KLHL4: variants seen among roughly 807,000 people sequenced by gnomAD.
KLHL4 encodes the protein kelch like family member 4, also known as kelch-like protein 4.
A neutral mutation model predicts 45.8 loss-of-function variants in KLHL4; 17 were observed. The ratio of observed to expected loss-of-function variants is 0.37; its 90% CI spans 0.25 to 0.56. The LOEUF (loss-of-function observed/expected upper bound fraction) is 0.56, where lower values mean the gene tolerates loss of function less well. KLHL4 is among the 20% of genes least tolerant of loss of function. The pLI is 0.79. For missense variants in KLHL4, 544 were observed against 544.9 expected (o/e 1.00, Z 0.02); for synonymous variants, 224 against 189.9 (o/e 1.18, Z -1.47).
At chrX:87,651,188 C>T (rs1393887465) in intron 9 of KLHL4, among the ~76,000 whole-genome samples, 1 of 111,332 alleles carries the variant, frequency 9.0e-6, no homozygotes, top group Non-Finnish European at 1.9e-5. Context: ...TAGGGAAGGC[C>T]CCCATGATTC....
At chrX:87,659,113 CTTTTTTTTTTTTTTT>C (rs1178733729) in intron 9 of KLHL4, among the ~76,000 whole-genome samples, 1 of 45,101 alleles carries the variant, frequency 2.2e-5, no homozygotes, top group African/African-American at 1.0e-4. Flanking sequence ...TCTTTTCTTT[CTTTTTTTTTTTTTTT>C]TTTTTTTTTG....
intron 9 of KLHL4, among the ~76,000 whole-genome samples, chrX:87,655,619 GA>G (rs1205388656): frequency 1.8e-5 from 2 of 110,539 alleles, no homozygotes; most frequent in Non-Finnish European, 3.8e-5. Context: ...TGTATGGTCG[GA>G]TCCTTTTTTT....
At chrX:87,519,036 CTTTACT>C (rs1930949207) in intron 1 of KLHL4, among the ~76,000 whole-genome samples, 1 of 111,434 alleles carries the variant, frequency 9.0e-6, no homozygotes, top group Non-Finnish European at 1.9e-5. Context: ...TTGATTTTGT[CTTTACT>C]TTTATGCCCA....
chrX:87,520,165 A>G (rs1930972786), intron 1 of KLHL4, among the ~76,000 whole-genome samples: 1 of 112,038 alleles, frequency 8.9e-6, no homozygotes, highest in South Asian at 3.7e-4. Context: ...ATGGTTTATT[A>G]CCTTCTCCTT....
intron 1 of KLHL4, among the ~76,000 whole-genome samples, chrX:87,556,545 G>A (rs1282968666): frequency 1.8e-5 from 2 of 108,726 alleles, no homozygotes; most frequent in Non-Finnish European, 3.8e-5. Context: ...AAGGGGGGAG[G>A]GATAGCTTTA....
chrX:87,669,043 T>C lies in KLHL4; in HGVS notation c.*2509T>C. ...CTGTGCTTGTCTCAGTCAAACTTAA[T>C]TGGGAAAAGGAGGAGTAAGAGCAGG... On this transcript the variant is annotated 3_prime_UTR_variant, in exon 11 of 11. Coordinates refer to ENST00000373119, the MANE Select transcript of KLHL4 (RefSeq NM_019117.5). 1.2e-6 allele frequency: 1 copy of C among 853,450 alleles called. No homozygotes were observed. Among genetic ancestry groups the C allele is most frequent in the Non-Finnish European group, 1.4e-6 (1 of 703,469 alleles). The allele number at this position is 853,450 out of a possible 1,213,427, so 70.3% of individuals were successfully genotyped here.
chrX:87,522,907 C>T (rs1162681180), intron 1 of KLHL4, among the ~76,000 whole-genome samples: 1 of 111,266 alleles, frequency 9.0e-6, no homozygotes, highest in African/African-American at 3.3e-5. Context: ...TACGGTATCA[C>T]GTATATAATT....
intron 1 of KLHL4, among the ~76,000 whole-genome samples, chrX:87,605,814 A>G (rs922433771): frequency 9.0e-6 from 1 of 111,464 alleles, no homozygotes; most frequent in Non-Finnish European, 1.9e-5. Flanking sequence ...TCTTAGATAA[A>G]AAGCTTTTAG....
At chrX:87,652,593 C>A in intron 9 of KLHL4, among the ~76,000 whole-genome samples, 1 of 112,072 alleles carries the variant, frequency 8.9e-6, no homozygotes. Flanking sequence ...TGCTCCAATT[C>A]CCAACAAGTT....
chrX:87,582,450 C>A, intron 1 of KLHL4, among the ~76,000 whole-genome samples: 1 of 111,538 alleles, frequency 9.0e-6, no homozygotes, highest in Non-Finnish European at 1.9e-5. Context: ...GAAAGAAAAA[C>A]CAGAACAAAG....
intron 1 of KLHL4, among the ~76,000 whole-genome samples, chrX:87,607,977 T>C (rs142864893): frequency 1.1e-4 from 12 of 111,667 alleles, no homozygotes; most frequent in Non-Finnish European, 1.9e-4. Flanking sequence ...GGAATTATAA[T>C]AGGTATCACC....
intron 9 of KLHL4, among the ~76,000 whole-genome samples, chrX:87,651,013 G>C (rs1389756867): frequency 8.9e-6 from 1 of 111,846 alleles, no homozygotes; most frequent in Non-Finnish European, 1.9e-5. Flanking sequence ...ACTCTAAGCT[G>C]GGTTTTCAGT....
intron 6 of KLHL4, among the ~76,000 whole-genome samples, chrX:87,631,852 G>C (rs2147823695): frequency 8.9e-6 from 1 of 112,528 alleles, no homozygotes; most frequent in Admixed American, 9.4e-5. Context: ...ATCTGTAACA[G>C]ATGTGCAAAC....
At chrX:87,652,934 C>T (rs1409275140) in intron 9 of KLHL4, among the ~76,000 whole-genome samples, 4 of 112,010 alleles carry the variant, frequency 3.6e-5, no homozygotes, top group Non-Finnish European at 5.6e-5. Context: ...TCCATGTGGC[C>T]GTGGAGGCCA....
At chrX:87,553,919 T>A in intron 1 of KLHL4, among the ~76,000 whole-genome samples, 1 of 109,508 alleles carries the variant, frequency 9.1e-6, no homozygotes, top group Middle Eastern at 4.7e-3. Flanking sequence ...AGGGATCCAG[T>A]TTCAGCTTTC....
chrX:87,520,396 G>A (rs183354620), intron 1 of KLHL4, among the ~76,000 whole-genome samples: 1 of 112,357 alleles, frequency 8.9e-6, no homozygotes, highest in Non-Finnish European at 1.9e-5. Flanking sequence ...AGCACAAGAT[G>A]AGCTATGACG....
chrX:87,538,717 C>A (rs921931227), intron 1 of KLHL4, among the ~76,000 whole-genome samples: 15 of 111,094 alleles, frequency 1.4e-4, no homozygotes, highest in Non-Finnish European at 2.5e-4. Flanking sequence ...ATTATTCATG[C>A]AATTTTTGCT....
chrX:87,545,939 C>T (rs1295741004), intron 1 of KLHL4, among the ~76,000 whole-genome samples: 2 of 111,715 alleles, frequency 1.8e-5, no homozygotes, highest in African/African-American at 3.3e-5. Context: ...CCCTAGAGAT[C>T]TGTGGAACTT....
chrX:87,522,257 G>A (rs757831529), intron 1 of KLHL4, among the ~76,000 whole-genome samples: 2 of 111,895 alleles, frequency 1.8e-5, no homozygotes, highest in African/African-American at 6.5e-5. Flanking sequence ...ATGGGAGTGT[G>A]GTTGATAGTG....
Sources: gnomAD v4.1 joint callset for allele counts (sites outside exome capture counted in the v4.1 genomes callset) on GRCh38, gnomAD v4.1.1 for gene constraint, MANE v1.5 for transcripts, NCBI Gene and HGNC (gene_info 2026-07-23, HGNC 2026-07-21) for gene names.